Variants in GATA6 observed in about 807,000 individuals in gnomAD.
GATA6 encodes the protein GATA binding protein 6, also known as transcription factor GATA-6.
Under a neutral mutation model 48.1 loss-of-function variants are expected in GATA6, and 11 were observed. That is an observed-to-expected ratio of 0.23 (90% CI 0.14 to 0.38). The LOEUF is 0.38. Among genes scored for constraint, GATA6 ranks in the 10% least tolerant of loss-of-function variants. The pLI is 1.00. For missense variants in GATA6, 795 were observed against 850.3 expected (o/e 0.93, Z 0.81); for synonymous variants, 419 against 396.1 (o/e 1.06, Z -0.69).
intron 3 of GATA6, among the ~76,000 whole-genome samples, chr18:22,180,996 T>TTGTTACTTCTGGTG (rs1167673170): frequency 6.6e-6 from 1 of 152,198 alleles, no homozygotes; most frequent in Non-Finnish European, 1.5e-5. Context: ...TCTACTTGTG[T>TTGTTACTTCTGGTG]TGTTACTTCT....
intron 6 of GATA6, among the ~76,000 whole-genome samples, chr18:22,187,452 C>CTTG (rs1261583139): frequency 6.6e-6 from 1 of 151,942 alleles, no homozygotes; most frequent in African/African-American, 2.4e-5. Flanking sequence ...TGCACCCCAG[C>CTTG]CTGGGCAACA....
intron 6 of GATA6, among the ~76,000 whole-genome samples, chr18:22,189,114 C>T (rs984680114): frequency 8.3e-4 from 126 of 152,268 alleles, no homozygotes; most frequent in African/African-American, 3.0e-3. Context: ...TCATCGTTCC[C>T]GTCCCCTGTG....
rs1487003573 is a variant in GATA6, at chr18:22,202,376, A to T, written c.*1553A>T. On this transcript the variant is annotated 3_prime_UTR_variant, in exon 7 of 7. Transcript: ENST00000269216. ...TTTTTCCTTTTGCAACGTGCCTTGA[A>T]GTCTCAAAGCTCACCTGAGGTTGCA... is the stretch of plus-strand genomic sequence containing the variant. The T allele has an allele frequency of 6.6e-6, 1 of 152,144 alleles. No individual in the cohort carries two copies. Among genetic ancestry groups the T allele is most frequent in the African/African-American group, 2.4e-5 (1 of 41,436 alleles). 9.4% of individuals were successfully genotyped at this position (152,144 alleles called of 1,614,324 possible).
In GATA6 at chr18:22,201,140, G is replaced by T. The variant is rs2033458438; in HGVS notation, c.*317G>T. ...ATATTGAGAGAGATTTTTTAAAAAA[G>T]ATTTTGCATTTTGTCCAAAATCATG... is the stretch of plus-strand genomic sequence containing the variant. On this transcript the variant is annotated 3_prime_UTR_variant, in exon 7 of 7. Coordinates refer to ENST00000269216, the MANE Select transcript of GATA6 (RefSeq NM_005257.6). The T allele has an allele frequency of 2.7e-6, 1 of 371,456 alleles. No homozygotes were observed. The highest frequency in any genetic ancestry group is 4.1e-5 in the South Asian group (1 of 24,174). The allele number at this position is 371,456 out of a possible 1,614,324, so 23.0% of individuals were successfully genotyped here. A position where few individuals can be genotyped will look rare whatever the true frequency, so the allele number is the denominator to read the frequency against.
intron 2 of GATA6, 98 bp from the exon 3 acceptor site, chr18:22,176,857 C>A: frequency 7.2e-7 from 1 of 1,383,036 alleles, no homozygotes; most frequent in Non-Finnish European, 9.5e-7. Flanking sequence ...GGCAGGGAAG[C>A]CGGGCACCGG....
intron 3 of GATA6, among the ~76,000 whole-genome samples, chr18:22,178,985 A>C (rs1396387109): frequency 6.6e-6 from 1 of 152,186 alleles, no homozygotes; most frequent in Non-Finnish European, 1.5e-5. Context: ...TTTAGGTTCC[A>C]GTTGCATTAT....
At position 22,200,864 on chromosome 18, in the gene GATA6, C is replaced by T. The variant is rs115585611; in HGVS notation, c.*41C>T. The T allele has an allele frequency of 1.5e-3, 2,365 of 1,570,924 alleles. 37 individuals are homozygous for T. The African/African-American group carries it at 0.029, about 19-fold the overall frequency. On this transcript the variant is annotated 3_prime_UTR_variant, in exon 7 of 7. Transcript: ENST00000269216. ...AGGCAGGGAGGGCTCCGCCGCGGGC[C>T]TCACTCCACTCGTGTCTGCTTTTGT...
intron 6 of GATA6, among the ~76,000 whole-genome samples, chr18:22,187,710 TG>T (rs2033279820): frequency 6.6e-6 from 1 of 152,156 alleles, no homozygotes; most frequent in African/African-American, 2.4e-5. Flanking sequence ...ACTCAAAATT[TG>T]TAAAACTGGA....
Position 22,200,763 on chromosome 18 carries a change from G to A in GATA6, c.1728G>A (p.Ser576=), listed in dbSNP as rs887584570. Residue 576 remains serine (S), a synonymous_variant, in exon 7 of 7, where the codon TCG becomes TCA. Transcript: ENST00000269216. The part of the protein sequence containing the change: ...DGLYIGVSLA[S]PAEVTSSVRP... Reference sequence around the variant, plus strand: ...TCTACATAGGCGTCAGTCTCGCCTCGCCGGCCGAAGTCACGTCCTCCGTGC... The same window carrying A: ...TCTACATAGGCGTCAGTCTCGCCTCACCGGCCGAAGTCACGTCCTCCGTGC... The A allele has an allele frequency of 1.9e-6, 3 of 1,613,918 alleles. No individual in the cohort carries two copies.
At chr18:22,189,868 T>G (rs1427609485) in intron 6 of GATA6, among the ~76,000 whole-genome samples, 1 of 152,210 alleles carries the variant, frequency 6.6e-6, no homozygotes, top group East Asian at 1.9e-4. Flanking sequence ...GTGTTTTAGA[T>G]ACATTTTATT....
rs1403668945 is a variant in GATA6 at position 22,171,596 on chromosome 18, T to A, written c.452T>A (p.Leu151His). 6.2e-7 allele frequency: 1 copy of A among 1,600,770 alleles called. No homozygotes were observed. The highest frequency in any genetic ancestry group is 1.3e-5 in the African/African-American group (1 of 74,368). Residue 151 changes from leucine to histidine, a missense_variant, in exon 2 of 7, where the codon CTC becomes CAC. Coordinates refer to ENST00000269216, the MANE Select transcript of GATA6 (RefSeq NM_005257.6). This position sits in a 1 kb window ranked among gnomAD's most constrained non-coding sequence, Gnocchi z 7.1. Reference protein sequence around the residue: ...PEQPEEMYQTLAALSSQGPAA... With the variant: ...PEQPEEMYQTHAALSSQGPAA... Reference sequence around the variant, plus strand: ...CAGCCGGAGGAGATGTACCAGACCCTCGCCGCTCTCTCCAGCCAGGGTCCG... The same window carrying A: ...CAGCCGGAGGAGATGTACCAGACCCACGCCGCTCTCTCCAGCCAGGGTCCG...
At chr18:22,177,331 C>T (rs1044381056) in intron 3 of GATA6, among the ~76,000 whole-genome samples, 2 of 152,142 alleles carry the variant, frequency 1.3e-5, no homozygotes, top group East Asian at 1.9e-4. Context: ...GAAGTTACCC[C>T]GAAACTGGCC....
At chr18:22,186,397 G>A (rs1033024689) in intron 6 of GATA6, among the ~76,000 whole-genome samples, 3 of 152,066 alleles carry the variant, frequency 2.0e-5, no homozygotes, top group African/African-American at 7.3e-5. Context: ...TGTTCCAGAG[G>A]CCCACATGAA....
intron 3 of GATA6, among the ~76,000 whole-genome samples, chr18:22,178,432 T>C (rs1436840836): frequency 6.6e-6 from 1 of 152,248 alleles, no homozygotes; most frequent in Non-Finnish European, 1.5e-5. Context: ...GAAGTACTCA[T>C]AATCTAATAA....
intron 6 of GATA6, among the ~76,000 whole-genome samples, chr18:22,183,438 A>G (rs916784792): frequency 1.3e-5 from 2 of 152,226 alleles, no homozygotes; most frequent in Non-Finnish European, 2.9e-5. Context: ...TACAGTGCCC[A>G]TAACAGTTAA....
At chr18:22,178,044 C>T (rs1213415693) in intron 3 of GATA6, among the ~76,000 whole-genome samples, 1 of 150,122 alleles carries the variant, frequency 6.7e-6, no homozygotes, top group African/African-American at 2.5e-5. Flanking sequence ...TCACCGCAGC[C>T]TCCGCCTCCA....
intron 6 of GATA6, among the ~76,000 whole-genome samples, chr18:22,198,299 G>T (rs546871231): frequency 3.9e-5 from 6 of 152,058 alleles, no homozygotes; most frequent in Non-Finnish European, 8.8e-5. Context: ...TCAAATTCCT[G>T]GGCTTAAGTA....
In GATA6 at chr18:22,172,850, G is replaced by C. The variant is rs2033074235; in HGVS notation, c.1135+571G>C. ...AACCTAGATGTTCCTAGGGAAGCTAGTTGGCGTCTCCTCTCCCACAAGGGA... is the reference window on the plus strand; with the variant it reads ...AACCTAGATGTTCCTAGGGAAGCTACTTGGCGTCTCCTCTCCCACAAGGGA... On this transcript the variant is annotated intron_variant, in intron 2 of 6. Coordinates refer to ENST00000269216, the MANE Select transcript of GATA6 (RefSeq NM_005257.6). This position sits in a 1 kb window ranked among gnomAD's most constrained non-coding sequence, Gnocchi z 5.2. 6.6e-6 allele frequency among the ~76,000 whole-genome samples: 1 copy of C among 152,240 alleles called. No homozygotes were observed. Among genetic ancestry groups the C allele is most frequent in the African/African-American group, 2.4e-5 (1 of 41,464 alleles).
In GATA6 at chr18:22,202,367, G is replaced by A. The variant is rs947694780; in HGVS notation, c.*1544G>A. 6 of 151,866 alleles carry A rather than the reference G, an allele frequency of 4.0e-5. No homozygotes were observed. The highest frequency in any genetic ancestry group is 1.5e-4 in the African/African-American group (6 of 41,306). The allele number at this position is 151,866 out of a possible 1,614,324, so 9.4% of individuals were successfully genotyped here. A position where few individuals can be genotyped will look rare whatever the true frequency, so the allele number is the denominator to read the frequency against. Reference sequence around the variant, plus strand: ...CCTTTCAGTTTTTTCCTTTTGCAACGTGCCTTGAAGTCTCAAAGCTCACCT... The same window carrying A: ...CCTTTCAGTTTTTTCCTTTTGCAACATGCCTTGAAGTCTCAAAGCTCACCT... On this transcript the variant is annotated 3_prime_UTR_variant, in exon 7 of 7. Transcript: ENST00000269216.
Sources: gnomAD v4.1 joint callset for allele counts (sites outside exome capture counted in the v4.1 genomes callset) on GRCh38, gnomAD v4.1.1 for gene constraint, Gnocchi (gnomAD v3.1) non-coding constraint, MANE v1.5 for transcripts, NCBI Gene and HGNC (gene_info 2026-07-23, HGNC 2026-07-21) for gene names.